Variants in RFTN1 observed in about 807,000 individuals in gnomAD.
RFTN1 encodes raftlin, lipid raft linker 1.
Under a neutral mutation model 46.5 loss-of-function variants are expected in RFTN1, and 26 were observed. The observed-to-expected ratio is 0.56, with a 90% CI of 0.41 to 0.78. The LOEUF is 0.78. Among genes scored for constraint, RFTN1 ranks in the 30% least tolerant of loss-of-function variants. RFTN1 has a pLI of 0.00. For missense variants in RFTN1, 693 were observed against 718.7 expected (o/e 0.96, Z 0.41); for synonymous variants, 261 against 284.2 (o/e 0.92, Z 0.82).
Position 16,433,488 on chromosome 3 carries a change from T to G in RFTN1, c.332+363A>C, listed in dbSNP as rs77065514. On this transcript the variant is annotated intron_variant, in intron 3 of 9. Transcript: ENST00000334133. This position sits in a 1 kb window ranked among gnomAD's most constrained non-coding sequence, Gnocchi z 4.4. Reference sequence around the variant, plus strand: ...TCTATAGCCTCTAAACAAAATTATTTGTTTTCCAGTCATGCCTTTCAGTTT... The same window carrying G: ...TCTATAGCCTCTAAACAAAATTATTGGTTTTCCAGTCATGCCTTTCAGTTT... Among the ~76,000 whole-genome samples the G allele has an allele frequency of 0.05, 7,633 of 152,314 alleles. 285 individuals carry two copies. The highest frequency in any genetic ancestry group is 0.15 in the East Asian group (766 of 5,178).
rs1349939000 is a variant in RFTN1, at chr3:16,459,398, A to T, written c.146-25361T>A. Among the ~76,000 whole-genome samples the T allele has an allele frequency of 1.3e-5, 2 of 152,220 alleles. No homozygotes were observed. The highest frequency in any genetic ancestry group is 2.9e-5 in the Non-Finnish European group (2 of 68,044). ...CAAAAGATTGAAAATTACAAATCCT[A>T]GCACTTTGGGAGGCTGAAGCGGGAG... On this transcript the variant is annotated intron_variant, in intron 2 of 9. Transcript: ENST00000334133. The surrounding 1 kb of genome is among the most constrained non-coding windows in gnomAD (Gnocchi z 4.2).
chr3:16,413,068 A>T lies in RFTN1; in HGVS notation c.333-3585T>A, dbSNP rs369873584. Among the ~76,000 whole-genome samples, 6 of 152,248 alleles carry T rather than the reference A, an allele frequency of 3.9e-5. No individual in the cohort carries two copies. The highest frequency in any genetic ancestry group is 1.2e-4 in the African/African-American group (5 of 41,460). ...AATACGTACCATTTTGAACCATGAA[A>T]TGTGTTATCATTTATTACAGAGCAT... is the stretch of plus-strand genomic sequence containing the variant. On this transcript the variant is annotated intron_variant, in intron 3 of 9. Transcript: ENST00000334133. This position sits in a 1 kb window ranked among gnomAD's most constrained non-coding sequence, Gnocchi z 4.7.
At position 16,421,354 on chromosome 3, in the gene RFTN1, T is replaced by C. The variant is rs927283647; in HGVS notation, c.333-11871A>G. 2.0e-5 allele frequency among the ~76,000 whole-genome samples: 3 copies of C among 151,910 alleles called. No homozygotes were observed. The highest frequency in any genetic ancestry group is 6.6e-5 in the Admixed American group (1 of 15,252). ...TAGGCATTGGTATTGGTGTTTTTTT[T>C]TTTTCTTTTCTTTTTGAGATGGTGT... is the stretch of plus-strand genomic sequence containing the variant. On this transcript the variant is annotated intron_variant, in intron 3 of 9. Transcript: ENST00000334133. This position sits in a 1 kb window ranked among gnomAD's most constrained non-coding sequence, Gnocchi z 4.6.
chr3:16,339,360 G>A (rs2071153228), intron 7 of RFTN1: 1 of 152,186 alleles, frequency 6.6e-6, no homozygotes, highest in African/African-American at 2.4e-5. Context: ...GCTCTTTGAG[G>A]ACCCAGCTCT....
In RFTN1 at chr3:16,426,037, C is replaced by T. The variant is rs1483441258; in HGVS notation, c.332+7814G>A. Among the ~76,000 whole-genome samples, 12 of 152,292 alleles carry T rather than the reference C, an allele frequency of 7.9e-5. No individual in the cohort carries two copies. The East Asian group carries it at 2.1e-3, about 27-fold the overall frequency. On this transcript the variant is annotated intron_variant, in intron 3 of 9. Coordinates refer to ENST00000334133, the MANE Select transcript of RFTN1 (RefSeq NM_015150.2). This position sits in a 1 kb window ranked among gnomAD's most constrained non-coding sequence, Gnocchi z 5.9. ...GCTAAACAAACACCTTCTCATTCCC[C>T]GCTCTGCCTTAAGCAAGAGCTCTGA...
chr3:16,424,153 T>C lies in RFTN1; in HGVS notation c.332+9698A>G, dbSNP rs963928243. ...ACAAAGCCCAGAAAATTCTCAGAAT[T>C]CTCTGAGGATGTTTCTATAAGCTCT... is the stretch of plus-strand genomic sequence containing the variant. On this transcript the variant is annotated intron_variant, in intron 3 of 9. Coordinates refer to ENST00000334133, the MANE Select transcript of RFTN1 (RefSeq NM_015150.2). This position sits in a 1 kb window ranked among gnomAD's most constrained non-coding sequence, Gnocchi z 4.7. Among the ~76,000 whole-genome samples the C allele has an allele frequency of 1.3e-5, 2 of 152,256 alleles. No homozygotes were observed. The highest frequency in any genetic ancestry group is 1.9e-4 in the East Asian group (1 of 5,184).
intron 7 of RFTN1, chr3:16,347,783 C>T (rs1254387564): frequency 6.6e-6 from 1 of 152,192 alleles, no homozygotes; most frequent in African/African-American, 2.4e-5. Flanking sequence ...ATAAAGCCTC[C>T]AATAACTTTT....
At chr3:16,469,813 G>T (rs1311942081) in intron 2 of RFTN1, among the ~76,000 whole-genome samples, 1 of 152,196 alleles carries the variant, frequency 6.6e-6, no homozygotes, top group Non-Finnish European at 1.5e-5. Flanking sequence ...AACCCCAGGG[G>T]AAGATAGGAC....
intron 6 of RFTN1, among the ~76,000 whole-genome samples, chr3:16,363,903 T>C (rs1260984776): frequency 6.6e-6 from 1 of 152,226 alleles, no homozygotes; most frequent in South Asian, 2.1e-4. Flanking sequence ...TAAGCCCAAC[T>C]GCACATGCAA....
chr3:16,479,807 G>C lies in RFTN1; in HGVS notation c.145+13918C>G, dbSNP rs375730071. 2.9e-4 allele frequency among the ~76,000 whole-genome samples: 44 copies of C among 152,292 alleles called. No homozygotes were observed. The highest frequency in any genetic ancestry group is 1.0e-3 in the African/African-American group (43 of 41,558). On this transcript the variant is annotated intron_variant, in intron 2 of 9. Coordinates refer to ENST00000334133, the MANE Select transcript of RFTN1 (RefSeq NM_015150.2). The surrounding 1 kb of genome is among the most constrained non-coding windows in gnomAD (Gnocchi z 5.1). Reference sequence around the variant, plus strand: ...GATTAGATTTGGTTTAGGATTTCCAGGGCCCCCTGCACCTACCAAACAGCA... The same window carrying C: ...GATTAGATTTGGTTTAGGATTTCCACGGCCCCCTGCACCTACCAAACAGCA...
In RFTN1 at chr3:16,433,184, T is replaced by TA. The variant is rs371307870; in HGVS notation, c.332+666_332+667insT. On this transcript the variant is annotated intron_variant, in intron 3 of 9. Coordinates refer to ENST00000334133, the MANE Select transcript of RFTN1 (RefSeq NM_015150.2). The surrounding 1 kb of genome is among the most constrained non-coding windows in gnomAD (Gnocchi z 4.4). ...ATCCCATCCTCACTGTTTTTTTTTTTTAAAAAAATTAATATTGTTCCTTTT... is the reference window on the plus strand; with the variant it reads ...ATCCCATCCTCACTGTTTTTTTTTTTATAAAAAAATTAATATTGTTCCTTTT... Among the ~76,000 whole-genome samples, 11,455 of 106,412 alleles carry TA rather than the reference T, an allele frequency of 0.11. 479 individuals carry two copies. Among genetic ancestry groups the TA allele is most frequent in the Middle Eastern group, 0.21 (43 of 208 alleles). The allele number at this position is 106,412 out of a possible 152,430, so 69.8% of individuals were successfully genotyped here. A position where few individuals can be genotyped will look rare whatever the true frequency, so the allele number is the denominator to read the frequency against.
intron 4 of RFTN1, among the ~76,000 whole-genome samples, chr3:16,406,797 T>G (rs2074867885): frequency 6.6e-6 from 1 of 152,216 alleles, no homozygotes; most frequent in Admixed American, 6.5e-5. Flanking sequence ...GCTGTTTCAC[T>G]AAAAGTCAGT....
chr3:16,454,535 A>G lies in RFTN1; in HGVS notation c.146-20498T>C, dbSNP rs546046857. On this transcript the variant is annotated intron_variant, in intron 2 of 9. Transcript: ENST00000334133. Reference sequence around the variant, plus strand: ...AGCCACGTCTGGAGAAAGACTGTGAAGCCAAGGGTGAGCTCACTGGGAAAC... The same window carrying G: ...AGCCACGTCTGGAGAAAGACTGTGAGGCCAAGGGTGAGCTCACTGGGAAAC... 1.4e-4 allele frequency among the ~76,000 whole-genome samples: 22 copies of G among 152,348 alleles called. No individual in the cohort carries two copies. In the South Asian group the frequency reaches 4.4e-3, roughly 30 times the overall value.
chr3:16,372,101 C>T (rs75038213), intron 5 of RFTN1, among the ~76,000 whole-genome samples: 3,449 of 152,186 alleles, frequency 0.023, 129 homozygotes, highest in African/African-American at 0.079. Context: ...TGGATTCCTT[C>T]GAAAGCAGAC....
intron 3 of RFTN1, among the ~76,000 whole-genome samples, chr3:16,414,802 G>C (rs1372066183): frequency 1.3e-5 from 2 of 152,062 alleles, no homozygotes; most frequent in African/African-American, 4.8e-5. Flanking sequence ...CAGGCAGAGG[G>C]AACAACAGCT....
chr3:16,417,648 G>A (rs1000889053), intron 3 of RFTN1, among the ~76,000 whole-genome samples: 43 of 152,320 alleles, frequency 2.8e-4, no homozygotes, highest in African/African-American at 1.0e-3. Context: ...CAAGGGTGGT[G>A]TAGTCATTCT....
intron 7 of RFTN1, among the ~76,000 whole-genome samples, chr3:16,350,648 G>A (rs761241019): frequency 3.9e-5 from 6 of 152,132 alleles, no homozygotes; most frequent in Non-Finnish European, 8.8e-5. Context: ...TGACTTCCTC[G>A]TTACTCACCT....
chr3:16,441,013 T>G (rs1470580072), intron 2 of RFTN1, among the ~76,000 whole-genome samples: 1 of 152,186 alleles, frequency 6.6e-6, no homozygotes. Flanking sequence ...CATCTGCAGG[T>G]ATTTGATACT....
intron 7 of RFTN1, chr3:16,347,586 CCTCT>C (rs377067244): frequency 1.3e-5 from 2 of 152,218 alleles, no homozygotes; most frequent in Admixed American, 6.5e-5. Flanking sequence ...TCTCCCTCTG[CCTCT>C]CTGTTACACA....
Sources: gnomAD v4.1 joint callset for allele counts (sites outside exome capture counted in the v4.1 genomes callset) on GRCh38, gnomAD v4.1.1 for gene constraint, Gnocchi (gnomAD v3.1) non-coding constraint, MANE v1.5 for transcripts, NCBI Gene and HGNC (gene_info 2026-07-23, HGNC 2026-07-21) for gene names.